Variants in USP12 observed in about 807,000 individuals in gnomAD.
USP12 encodes the protein ubiquitin carboxyl-terminal hydrolase 12.
Under a neutral mutation model 45.5 loss-of-function variants are expected in USP12, and 19 were observed. The observed-to-expected ratio is 0.42, with a 90% CI of 0.29 to 0.61. The LOEUF is 0.61. USP12 is among the 20% of genes least tolerant of loss of function. The probability of loss-of-function intolerance (pLI) is 0.22; values close to 1 mark genes in which losing one functional copy is unlikely to be tolerated. For missense variants in USP12, 242 were observed against 447.7 expected (o/e 0.54, Z 4.15); for synonymous variants, 149 against 148.8 (o/e 1.00, Z -0.01).
intron 1 of USP12, among the ~76,000 whole-genome samples, chr13:27,142,014 T>C (rs1276570603): frequency 7.0e-6 from 1 of 143,056 alleles, no homozygotes; most frequent in Non-Finnish European, 1.5e-5. Context: ...CCCAGCCACT[T>C]GCAAGGCTGA....
chr13:27,105,911 G>C lies in USP12; in HGVS notation c.163C>G (p.Gln55Glu). ...AATGGACGACAAAAATAAAGTGCTT[G>C]AAGAACTGAATTGCAGTAGCAGGTA... ...GNTCYCNSVL[Q>E]ALYFCRPFRE... The change falls in exon 3 of 9, where the codon CAA becomes GAA. Residue 55 changes from glutamine to glutamate, a missense_variant. Physicochemically the swap from Gln to Glu is conservative, Grantham distance 29. Transcript: ENST00000282344. 6.2e-7 allele frequency: 1 copy of C among 1,613,498 alleles called. No individual in the cohort carries two copies. Among genetic ancestry groups the C allele is most frequent in the Non-Finnish European group, 8.5e-7 (1 of 1,179,730 alleles).
chr13:27,069,901 C>T (rs572759804), intron 8 of USP12, among the ~76,000 whole-genome samples: 114 of 152,266 alleles, frequency 7.5e-4, no homozygotes, highest in Admixed American at 3.0e-3. Flanking sequence ...GAGCCGAGAT[C>T]GCACCCTTGC....
chr13:27,089,642 G>T, intron 6 of USP12: 1 of 435,844 alleles, frequency 2.3e-6, no homozygotes, highest in Non-Finnish European at 4.2e-6. Context: ...AACTGTACTG[G>T]TTTATGATGA....
intron 8 of USP12, among the ~76,000 whole-genome samples, chr13:27,070,557 C>CT (rs370430441): frequency 0.057 from 7,793 of 137,118 alleles, 258 homozygotes; most frequent in Middle Eastern, 0.08. Context: ...TTGTTTTATT[C>CT]TTTTTTTTTT....
chr13:27,091,295 G>A (rs546435561), intron 4 of USP12, among the ~76,000 whole-genome samples: 4 of 152,316 alleles, frequency 2.6e-5, no homozygotes, highest in African/African-American at 7.2e-5. Context: ...CTACAGAGAA[G>A]TAAAAGTTAC....
intron 4 of USP12, among the ~76,000 whole-genome samples, chr13:27,092,370 C>A (rs186312181): frequency 1.1e-3 from 170 of 152,250 alleles, no homozygotes; most frequent in Non-Finnish European, 1.5e-3. Context: ...GAACTTGATT[C>A]TAAAGTTTAC....
At chr13:27,113,751 T>C (rs1875579548) in intron 2 of USP12, among the ~76,000 whole-genome samples, 1 of 152,204 alleles carries the variant, frequency 6.6e-6, no homozygotes, top group Admixed American at 6.5e-5. Context: ...AGAGCTCTTT[T>C]CCCAGGTTTG....
At position 27,155,735 on chromosome 13, in the gene USP12, T is replaced by C. The variant is rs1433637384; in HGVS notation, c.48+15857A>G. On this transcript the variant is annotated intron_variant, in intron 1 of 8. Transcript: ENST00000282344. ...GTATAATCAGTTAAATCTTATTAAT[T>C]ATAGTTCAGATGCAAAAATCTGTTA... 2.0e-5 allele frequency among the ~76,000 whole-genome samples: 3 copies of C among 152,222 alleles called. No individual in the cohort carries two copies. In the East Asian group the frequency reaches 5.8e-4, roughly 29 times the overall value.
At chr13:27,160,151 CAG>C in intron 1 of USP12, among the ~76,000 whole-genome samples, 1 of 151,970 alleles carries the variant, frequency 6.6e-6, no homozygotes, top group South Asian at 2.1e-4. Context: ...AGAAACTAAA[CAG>C]AGAACAAAAA....
intron 6 of USP12, among the ~76,000 whole-genome samples, chr13:27,076,064 A>G (rs1157841022): frequency 1.3e-5 from 2 of 151,724 alleles, no homozygotes; most frequent in African/African-American, 4.8e-5. Context: ...TAGAGGGAAA[A>G]CAAGTTTCTT....
chr13:27,103,609 ATAAT>A (rs1317285899), intron 3 of USP12, among the ~76,000 whole-genome samples: 7 of 94,176 alleles, frequency 7.4e-5, no homozygotes, highest in East Asian at 4.0e-4. Flanking sequence ...AAAAAAAAAA[ATAAT>A]AATAATAATA....
At chr13:27,110,505 T>C (rs1012821378) in intron 2 of USP12, among the ~76,000 whole-genome samples, 1 of 152,194 alleles carries the variant, frequency 6.6e-6, no homozygotes, top group Non-Finnish European at 1.5e-5. Flanking sequence ...TTGAAGAGGC[T>C]TGTGAGATCC....
At chr13:27,137,816 T>C (rs1876874988) in intron 1 of USP12, among the ~76,000 whole-genome samples, 1 of 152,186 alleles carries the variant, frequency 6.6e-6, no homozygotes, top group Non-Finnish European at 1.5e-5. Flanking sequence ...AATGTAAGAC[T>C]CCATACTGCT....
chr13:27,098,730 A>G (rs553489523), intron 3 of USP12, among the ~76,000 whole-genome samples: 56 of 152,344 alleles, frequency 3.7e-4, no homozygotes, highest in African/African-American at 1.3e-3. Flanking sequence ...ACAAGCATAA[A>G]TACGGCTGCT....
At chr13:27,118,353 AT>A in intron 1 of USP12, among the ~76,000 whole-genome samples, 1 of 152,178 alleles carries the variant, frequency 6.6e-6, no homozygotes, top group Non-Finnish European at 1.5e-5. Context: ...TACTGTCTTT[AT>A]TTTTTTGACT....
rs529232510 is a variant in USP12 at position 27,128,374 on chromosome 13, C to T, written c.49-11778G>A. Among the ~76,000 whole-genome samples the T allele has an allele frequency of 2.6e-5, 4 of 152,276 alleles. No homozygotes were observed. The East Asian group carries it at 5.8e-4, about 22-fold the overall frequency. On this transcript the variant is annotated intron_variant, in intron 1 of 8. Transcript: ENST00000282344. ...GAAAATTCTCAAATATGACCAAACT[C>T]AGCATAAGAACATACTTGAGTGCAC...
At chr13:27,125,584 G>A (rs957521105) in intron 1 of USP12, among the ~76,000 whole-genome samples, 1 of 152,212 alleles carries the variant, frequency 6.6e-6, no homozygotes, top group African/African-American at 2.4e-5. Flanking sequence ...GAGGTACCTG[G>A]TTCATCTCAT....
intron 1 of USP12, among the ~76,000 whole-genome samples, chr13:27,148,392 T>C (rs1877405534): frequency 6.7e-6 from 1 of 149,888 alleles, no homozygotes; most frequent in South Asian, 2.1e-4. Context: ...ATATATATTA[T>C]AGGCCAGGCA....
intron 1 of USP12, among the ~76,000 whole-genome samples, chr13:27,118,259 C>T (rs1024337347): frequency 5.9e-5 from 9 of 152,030 alleles, no homozygotes; most frequent in African/African-American, 2.2e-4. Flanking sequence ...GATAAAGGCA[C>T]ATGGTGAGTT....
Sources: allele counts gnomAD v4.1 joint callset (sites outside exome capture counted in the v4.1 genomes callset), GRCh38; gene constraint gnomAD v4.1.1; transcripts MANE v1.5; gene names NCBI Gene and HGNC (gene_info 2026-07-23, HGNC 2026-07-21).